TTLL5: variants seen among roughly 807,000 people sequenced by gnomAD.
TTLL5 encodes tubulin tyrosine ligase like 5.
TTLL5 carries 132 observed loss-of-function variants against 168.4 expected under a neutral mutation model. The observed-to-expected ratio is 0.78, with a 90% CI of 0.68 to 0.91. The LOEUF (loss-of-function observed/expected upper bound fraction) is 0.91. Among genes scored for constraint, TTLL5 ranks in the 40% least tolerant of loss-of-function variants. The pLI, the probability that TTLL5 is intolerant of heterozygous loss-of-function variation, is 0.00. For synonymous variants in TTLL5, 546 were observed against 558.6 expected (o/e 0.98, Z 0.32); for missense variants, 1,545 against 1,581.5 (o/e 0.98, Z 0.39).
At position 75,735,224 on chromosome 14, in the gene TTLL5, G is replaced by T. The variant is rs1309398577; in HGVS notation, c.1216G>T (p.Ala406Ser). 3 of 1,614,084 alleles carry T rather than the reference G, an allele frequency of 1.9e-6. No homozygotes were observed. Among genetic ancestry groups the T allele is most frequent in the African/African-American group, 2.7e-5 (2 of 74,944 alleles). The change falls in exon 15 of 32, where the codon GCA becomes TCA. Residue 406 changes from alanine to serine, a missense_variant. Coordinates refer to ENST00000298832, the MANE Select transcript of TTLL5 (RefSeq NM_015072.5). Reference protein sequence around the residue: ...GFVCQDPAQRASTRPIYPTFE... With the variant: ...GFVCQDPAQRSSTRPIYPTFE... ...TGTGTGCCAAGATCCTGCCCAGCGG[G>T]CATCAACTCGGCCAATTTATCCCAC...
chr14:75,759,536 GC>G (rs1216591925), intron 18 of TTLL5, among the ~76,000 whole-genome samples: 1 of 152,070 alleles, frequency 6.6e-6, no homozygotes, highest in Non-Finnish European at 1.5e-5. Flanking sequence ...TACGATGCCA[GC>G]ATGACTATGA....
intron 28 of TTLL5, among the ~76,000 whole-genome samples, chr14:75,852,976 A>G (rs1308659306): frequency 6.6e-6 from 1 of 152,222 alleles, no homozygotes; most frequent in Non-Finnish European, 1.5e-5. Context: ...TTTCTTTTTT[A>G]CTAATGAGAG....
At chr14:75,757,288 G>T (rs1008299562) in intron 18 of TTLL5, among the ~76,000 whole-genome samples, 1 of 151,982 alleles carries the variant, frequency 6.6e-6, no homozygotes, top group South Asian at 2.1e-4. Flanking sequence ...TTTTAATAGA[G>T]ATTTTTTTTT....
chr14:75,717,271 C>A (rs536447172), intron 9 of TTLL5, among the ~76,000 whole-genome samples: 1 of 151,814 alleles, frequency 6.6e-6, no homozygotes. Context: ...CACACTACCA[C>A]GCCTGCTTAA....
chr14:75,874,957 G>T (rs1413878248), intron 29 of TTLL5, among the ~76,000 whole-genome samples: 1 of 36,416 alleles, frequency 2.7e-5, no homozygotes, highest in African/African-American at 2.2e-4. Flanking sequence ...TTTTTGAGAC[G>T]GAGTCTCACT....
At chr14:75,690,678 G>A (rs1885390744) in intron 6 of TTLL5, among the ~76,000 whole-genome samples, 1 of 151,458 alleles carries the variant, frequency 6.6e-6, no homozygotes, top group Admixed American at 6.6e-5. Context: ...GAACCACAGT[G>A]GCACGATCAT....
At chr14:75,829,372 A>G (rs147903950) in intron 28 of TTLL5, among the ~76,000 whole-genome samples, 2 of 152,328 alleles carry the variant, frequency 1.3e-5, no homozygotes, top group African/African-American at 4.8e-5. Flanking sequence ...TAATTAACAC[A>G]TATGGTATAT....
At chr14:75,845,527 TAAG>T (rs1180562464) in intron 28 of TTLL5, among the ~76,000 whole-genome samples, 1 of 152,162 alleles carries the variant, frequency 6.6e-6, no homozygotes, top group Non-Finnish European at 1.5e-5. Context: ...TATTTTGAAA[TAAG>T]AATCTGTGCT....
chr14:75,836,663 AC>A (rs1595124654), intron 28 of TTLL5, among the ~76,000 whole-genome samples: 1 of 152,294 alleles, frequency 6.6e-6, no homozygotes, highest in East Asian at 1.9e-4. Context: ...ATCTCATATA[AC>A]CCATAAGTAT....
chr14:75,709,858 C>G (rs75635657), intron 9 of TTLL5: 2,454 of 136,328 alleles, frequency 0.018, 91 homozygotes, highest in African/African-American at 0.054. Context: ...AAAAAAAAGA[C>G]CAAGAAAAAG....
chr14:75,851,657 G>T (rs1266242500), intron 28 of TTLL5, among the ~76,000 whole-genome samples: 1 of 152,164 alleles, frequency 6.6e-6, no homozygotes, highest in African/African-American at 2.4e-5. Flanking sequence ...CCTCCAGCAG[G>T]GGCCACCGTG....
chr14:75,923,870 C>T (rs1361051015), intron 31 of TTLL5, among the ~76,000 whole-genome samples: 1 of 152,138 alleles, frequency 6.6e-6, no homozygotes, highest in Admixed American at 6.5e-5. Context: ...TAAGAACTTG[C>T]TTTATGAATC....
chr14:75,668,033 A>G lies in TTLL5; in HGVS notation c.75-1383A>G, dbSNP rs759017116. Among the ~76,000 whole-genome samples the G allele has an allele frequency of 4.1e-4, 62 of 152,180 alleles. No individual in the cohort carries two copies. The Middle Eastern group carries it at 0.01, about 25-fold the overall frequency. On this transcript the variant is annotated intron_variant, in intron 2 of 31. Transcript: ENST00000298832. ...CTCGGCCTCCCAAAGTGCTGGGATTACAGGCGTGAGCCACCGTGTCCGGCC... is the reference window on the plus strand; with the variant it reads ...CTCGGCCTCCCAAAGTGCTGGGATTGCAGGCGTGAGCCACCGTGTCCGGCC...
At chr14:75,817,104 TGA>T (rs1206168140) in intron 27 of TTLL5, among the ~76,000 whole-genome samples, 1 of 150,220 alleles carries the variant, frequency 6.7e-6, no homozygotes, top group African/African-American at 2.4e-5. Flanking sequence ...CTCAGTTTCC[TGA>T]GTAGCTGGGA....
intron 6 of TTLL5, among the ~76,000 whole-genome samples, chr14:75,695,701 G>T (rs1240158150): frequency 6.6e-6 from 1 of 152,036 alleles, no homozygotes; most frequent in Admixed American, 6.6e-5. Flanking sequence ...AAATATTGGG[G>T]GTGGTTCCCC....
intron 28 of TTLL5, among the ~76,000 whole-genome samples, chr14:75,820,923 C>A (rs1284038276): frequency 6.6e-6 from 1 of 151,968 alleles, no homozygotes; most frequent in Non-Finnish European, 1.5e-5. Flanking sequence ...GTGACTGTTA[C>A]AGTGAAGTAT....
intron 29 of TTLL5, among the ~76,000 whole-genome samples, chr14:75,881,664 T>C (rs1345099819): frequency 6.6e-6 from 1 of 152,216 alleles, no homozygotes; most frequent in Non-Finnish European, 1.5e-5. Context: ...TTACATGTTG[T>C]AGGTACAAAT....
intron 5 of TTLL5, among the ~76,000 whole-genome samples, chr14:75,685,209 C>T (rs923892498): frequency 3.3e-5 from 5 of 151,504 alleles, no homozygotes; most frequent in African/African-American, 7.3e-5. Context: ...ATGGCAAAAC[C>T]CCGGCTCTAA....
At chr14:75,663,342 A>G in intron 2 of TTLL5, 119 bp downstream of exon 2, 1 of 989,482 alleles carries the variant, frequency 1.0e-6, no homozygotes, top group Non-Finnish European at 1.5e-6. Context: ...ATCTAGTGTC[A>G]TTCCTTGGGG....
Sources: allele counts gnomAD v4.1 joint callset (sites outside exome capture counted in the v4.1 genomes callset), GRCh38; gene constraint gnomAD v4.1.1; transcripts MANE v1.5; gene names NCBI Gene and HGNC (gene_info 2026-07-23, HGNC 2026-07-21).